Variants in GATA4 observed in about 807,000 individuals in gnomAD.
GATA4 encodes the protein transcription factor GATA-4.
Under a neutral mutation model 37.9 loss-of-function variants are expected in GATA4, and 7 were observed. The observed-to-expected ratio is 0.18, with a 90% CI of 0.11 to 0.35. The LOEUF (loss-of-function observed/expected upper bound fraction) is 0.35, where lower values mean the gene tolerates loss of function less well. Among genes scored for constraint, GATA4 ranks in the 10% least tolerant of loss-of-function variants. The pLI, the probability that GATA4 is intolerant of heterozygous loss-of-function variation, is 1.00. For synonymous variants in GATA4, 372 were observed against 292.6 expected (o/e 1.27, Z -2.77); for missense variants, 647 against 653.0 (o/e 0.99, Z 0.10).
At chr8:11,735,501 C>A (rs566828896) in intron 2 of GATA4, among the ~76,000 whole-genome samples, 18 of 152,340 alleles carry the variant, frequency 1.2e-4, no homozygotes, top group African/African-American at 3.8e-4. Flanking sequence ...TGTTAGCCAC[C>A]TCTGCCCCTG....
intron 1 of GATA4, among the ~76,000 whole-genome samples, chr8:11,678,511 G>C (rs1035491560): frequency 2.0e-5 from 3 of 152,132 alleles, no homozygotes; most frequent in African/African-American, 4.8e-5. Context: ...TCTGTACGCT[G>C]TCCAAAAATA....
At chr8:11,679,674 C>T (rs1236172051) in intron 1 of GATA4, among the ~76,000 whole-genome samples, 1 of 152,212 alleles carries the variant, frequency 6.6e-6, no homozygotes, top group East Asian at 1.9e-4. Context: ...TCCCGGCGAG[C>T]CCTGAGTGGG....
chr8:11,740,826 T>G (rs1029647889), intron 2 of GATA4, among the ~76,000 whole-genome samples: 2 of 151,602 alleles, frequency 1.3e-5, no homozygotes, highest in African/African-American at 2.4e-5. Context: ...CTCTGCCTCC[T>G]GGGTTCGAGC....
At chr8:11,752,460 T>G (rs1802351073) in intron 4 of GATA4, among the ~76,000 whole-genome samples, 1 of 152,208 alleles carries the variant, frequency 6.6e-6, no homozygotes, top group South Asian at 2.1e-4. Context: ...GGGTTTCCCC[T>G]TATAAAACCA....
chr8:11,682,166 A>G (rs1798994187), intron 1 of GATA4, among the ~76,000 whole-genome samples: 1 of 152,254 alleles, frequency 6.6e-6, no homozygotes, highest in Non-Finnish European at 1.5e-5. Context: ...GTGGTGTCTG[A>G]CAAGATTGAT....
At chr8:11,686,216 GT>G (rs59033070) in intron 1 of GATA4, among the ~76,000 whole-genome samples, 32,431 of 144,672 alleles carry the variant, frequency 0.22, 4,584 homozygotes, top group East Asian at 0.68. Flanking sequence ...TACTGGGTCT[GT>G]TTTTTTTTTT....
In GATA4 at chr8:11,750,255, C is replaced by T. The variant is rs781258677; in HGVS notation, c.912+19C>T. On this transcript the variant is annotated intron_variant, in intron 4 of 6. Coordinates refer to ENST00000532059, the MANE Select transcript of GATA4 (RefSeq NM_001308093.3). ...CCACGGGGTACGTGGGTCCTGCGCC[C>T]ATGCGGCATCCTTGCCTTCTGATGC... 4.3e-6 allele frequency: 7 copies of T among 1,611,086 alleles called. No individual in the cohort carries two copies. Among genetic ancestry groups the T allele is most frequent in the East Asian group, 4.5e-5 (2 of 44,892 alleles).
intron 1 of GATA4, among the ~76,000 whole-genome samples, chr8:11,682,176 T>G (rs934634855): frequency 6.6e-6 from 1 of 152,340 alleles, no homozygotes; most frequent in East Asian, 1.9e-4. Context: ...ACAAGATTGA[T>G]TCACTCAAAA....
rs1800050753 is a variant in GATA4, at chr8:11,709,200, G to C, written c.616+272G>C. On this transcript the variant is annotated intron_variant, in intron 2 of 6. Transcript: ENST00000532059. This position sits in a 1 kb window ranked among gnomAD's most constrained non-coding sequence, Gnocchi z 4.3. Reference sequence around the variant, plus strand: ...GGAGTGCGGCCTCCCCGCCATCCCAGACATCGACCGTGGCCGCGCTGCGCT... The same window carrying C: ...GGAGTGCGGCCTCCCCGCCATCCCACACATCGACCGTGGCCGCGCTGCGCT... Among the ~76,000 whole-genome samples the C allele has an allele frequency of 6.6e-6, 1 of 152,202 alleles. No individual in the cohort carries two copies. The highest frequency in any genetic ancestry group is 2.1e-4 in the South Asian group (1 of 4,828).
At chr8:11,678,559 C>T (rs1209101024) in intron 1 of GATA4, among the ~76,000 whole-genome samples, 3 of 152,148 alleles carry the variant, frequency 2.0e-5, no homozygotes, top group Non-Finnish European at 4.4e-5. Context: ...AAAGCAGGGA[C>T]GGGCCAATCT....
chr8:11,729,793 G>A (rs1035832745), intron 2 of GATA4, among the ~76,000 whole-genome samples: 19 of 152,232 alleles, frequency 1.2e-4, no homozygotes, highest in Non-Finnish European at 1.5e-5. Flanking sequence ...ACCCATGGTG[G>A]TTGCTCAATT....
At chr8:11,681,176 G>T (rs1798959174) in intron 1 of GATA4, 1 of 985,412 alleles carries the variant, frequency 1.0e-6, no homozygotes, top group Non-Finnish European at 1.2e-6. Flanking sequence ...AACCTTCGGG[G>T]GTTAGTCACA....
At chr8:11,743,668 C>T (rs1423733280) in intron 2 of GATA4, among the ~76,000 whole-genome samples, 2 of 152,214 alleles carry the variant, frequency 1.3e-5, no homozygotes, top group African/African-American at 4.8e-5. Flanking sequence ...GTGGGTTCCC[C>T]AAGATGGATG....
chr8:11,686,939 A>C (rs1057233089), intron 1 of GATA4, among the ~76,000 whole-genome samples: 4 of 151,850 alleles, frequency 2.6e-5, no homozygotes, highest in African/African-American at 9.7e-5. Flanking sequence ...CGGAGGTTGC[A>C]GTGAAGCGAG....
chr8:11,701,438 G>A (rs1309980868), upstream of GATA4, among the ~76,000 whole-genome samples: 1 of 152,040 alleles, frequency 6.6e-6, no homozygotes, highest in African/African-American at 2.4e-5. Context: ...CCTTCCCAGC[G>A]GCCTCTGGAG....
intron 1 of GATA4, chr8:11,680,996 C>T (rs918593499): frequency 1.1e-6 from 1 of 949,318 alleles, no homozygotes; most frequent in African/African-American, 1.8e-5. Flanking sequence ...TGCAGAGAGA[C>T]CCCGCACCCC....
At chr8:11,721,157 G>C (rs1284136670) in intron 2 of GATA4, among the ~76,000 whole-genome samples, 1 of 151,558 alleles carries the variant, frequency 6.6e-6, no homozygotes, top group Non-Finnish European at 1.5e-5. Context: ...GCGAAAGTGG[G>C]TTCTACGGAG....
At chr8:11,720,267 T>G (rs1240236032) in intron 2 of GATA4, among the ~76,000 whole-genome samples, 3 of 151,984 alleles carry the variant, frequency 2.0e-5, no homozygotes, top group Admixed American at 6.6e-5. Context: ...CCCGTGATAG[T>G]CATTCAGGCT....
intron 5 of GATA4, 128 bp downstream of exon 5, chr8:11,755,261 C>G (rs1343576219): frequency 1.4e-6 from 1 of 733,402 alleles, no homozygotes; most frequent in Non-Finnish European, 2.4e-6. Flanking sequence ...TCGGACATCC[C>G]TGGCCTTTCA....
Sources: gnomAD v4.1 joint callset for allele counts (sites outside exome capture counted in the v4.1 genomes callset) on GRCh38, gnomAD v4.1.1 for gene constraint, Gnocchi (gnomAD v3.1) non-coding constraint, MANE v1.5 for transcripts, NCBI Gene and HGNC (gene_info 2026-07-23, HGNC 2026-07-21) for gene names.